The following FBN3 variants were observed in gnomAD, a reference collection of about 807,000 sequenced individuals.
FBN3 encodes the protein fibrillin-3.
A neutral mutation model predicts 330.1 loss-of-function variants in FBN3; 234 were observed. The observed-to-expected ratio is 0.71, with a 90% CI of 0.64 to 0.79. The LOEUF is 0.79. FBN3 is among the 30% of genes least tolerant of loss of function. FBN3 has a pLI of 0.00. For synonymous variants in FBN3, 1,458 were observed against 1,517.3 expected (o/e 0.96, Z 0.91); for missense variants, 3,606 against 3,886.9 (o/e 0.93, Z 1.92).
In FBN3 at chr19:8,138,137, T is replaced by C. The variant is rs551376715; in HGVS notation, c.1201+4A>G. The C allele has an allele frequency of 5.0e-6, 8 of 1,606,646 alleles. No individual in the cohort carries two copies. The African/African-American group carries it at 9.4e-5, about 19-fold the overall frequency. ...GAATGTTCCTCCCAAGCCCCAGGCC[T>C]CACCAATATTAGAGTTGCCAGGGCC... is the stretch of plus-strand genomic sequence containing the variant. On this transcript the variant is annotated splice_donor_region_variant and intron_variant, in intron 10 of 63. Transcript: ENST00000600128.
intron 25 of FBN3, among the ~76,000 whole-genome samples, chr19:8,120,613 C>T (rs188651975): frequency 1.8e-4 from 28 of 151,928 alleles, no homozygotes; most frequent in Non-Finnish European, 3.2e-4. Context: ...CTCAGCCTCC[C>T]GAGTAGCACG....
intron 8 of FBN3, among the ~76,000 whole-genome samples, chr19:8,140,725 G>C (rs1243308518): frequency 1.2e-4 from 19 of 152,150 alleles, no homozygotes; most frequent in Non-Finnish European, 2.6e-4. Flanking sequence ...TCTGTGAGCA[G>C]CTCTGGGTGG....
chr19:8,135,936 G>GGGGGGGGGGGGGGGGGCCC, intron 13 of FBN3, 25 bp downstream of exon 13: 22 of 668,744 alleles, frequency 3.3e-5, no homozygotes, highest in Non-Finnish European at 4.8e-5. Flanking sequence ...GGAAGCCCCT[G>GGGGGGGGGGGGGGGGGCCC]CCCACCCGCC....
Position 8,138,147 on chromosome 19 carries a change from T to G in FBN3, c.1195A>C (p.Asn399His), listed in dbSNP as rs1304652581. The G allele has an allele frequency of 6.2e-7, 1 of 1,609,772 alleles. No individual in the cohort carries two copies. Among genetic ancestry groups the G allele is most frequent in the Non-Finnish European group, 8.5e-7 (1 of 1,178,642 alleles). Residue 399 changes from asparagine (N) to histidine (H), a missense_variant, in exon 10 of 64, where the codon AAT becomes CAT. Physicochemically the swap from Asn to His is moderately conservative, Grantham distance 68. Coordinates refer to ENST00000600128, the MANE Select transcript of FBN3 (RefSeq NM_032447.5). ...GIPSLGPGNS[N>H]IGTATLNQTI... ...CCCAAGCCCCAGGCCTCACCAATAT[T>G]AGAGTTGCCAGGGCCCAGGCTGGGG...
chr19:8,100,204 G>A (rs2082297877), intron 41 of FBN3, among the ~76,000 whole-genome samples: 1 of 152,106 alleles, frequency 6.6e-6, no homozygotes, highest in African/African-American at 2.4e-5. Context: ...GACTGAGGGG[G>A]ATGGGGAGTG....
In FBN3 at chr19:8,129,086, G is replaced by A; in HGVS notation, c.2238C>T (p.Ser746=). The A allele has an allele frequency of 6.2e-7, 1 of 1,613,510 alleles. No individual in the cohort carries two copies. The highest frequency in any genetic ancestry group is 8.5e-7 in the Non-Finnish European group (1 of 1,179,992). The change falls in exon 18 of 64, where the codon AGC becomes AGT. Residue 746 remains serine, a synonymous_variant. Transcript: ENST00000600128. The surrounding 1 kb of genome is among the most constrained non-coding windows in gnomAD (Gnocchi z 4.5). ...DNGWCQNSPG[S]YSCSCPPGFH... The stretch of plus-strand genomic sequence containing the variant: ...AGCCGGGGGGGCAGGAGCAGCTGTA[G>A]CTGCCAGGGCTATTCTGGCACCACC...
chr19:8,131,555 G>C lies in FBN3; in HGVS notation c.1989C>G (p.Ser663=). 6.2e-7 allele frequency: 1 copy of C among 1,604,246 alleles called. No homozygotes were observed. Among genetic ancestry groups the C allele is most frequent in the Non-Finnish European group, 8.5e-7 (1 of 1,173,290 alleles). Residue 663 remains serine, a splice_region_variant and synonymous_variant, in exon 15 of 64, where the codon TCC becomes TCG. Transcript: ENST00000600128. The surrounding 1 kb of genome is among the most constrained non-coding windows in gnomAD (Gnocchi z 4.5). ...EPCQLCPAKD[S]AEFQALCSSG... ...GGGACCGGGCAGCCGGATGCTCACC[G>C]GAGTCTTTGGCAGGACAAAGCTGGC...
At chr19:8,091,438 T>G in intron 48 of FBN3, 27 bp downstream of exon 48, 3 of 1,334,812 alleles carry the variant, frequency 2.2e-6, no homozygotes, top group Non-Finnish European at 3.2e-6. Flanking sequence ...CTTCCCACCC[T>G]CTTCCCTAAG....
intron 41 of FBN3, 65 bp from the exon 42 acceptor site, chr19:8,097,479 A>C: frequency 6.6e-7 from 1 of 1,523,098 alleles, no homozygotes; most frequent in Non-Finnish European, 8.9e-7. Context: ...TGCTGAGCGA[A>C]GGGACCCACT....
At chr19:8,101,163 C>T (rs1289505717) in intron 40 of FBN3, among the ~76,000 whole-genome samples, 191 bp from the exon 41 acceptor site, 2 of 152,138 alleles carry the variant, frequency 1.3e-5, no homozygotes, top group Non-Finnish European at 2.9e-5. Context: ...CTCGTTCTGT[C>T]ACCCAGGCTG....
At chr19:8,099,855 C>A (rs890478039) in intron 41 of FBN3, among the ~76,000 whole-genome samples, 2 of 151,488 alleles carry the variant, frequency 1.3e-5, no homozygotes, top group African/African-American at 4.8e-5. Flanking sequence ...TATTAAAATA[C>A]AAAAATTAGC....
chr19:8,126,617 A>G lies in FBN3; in HGVS notation c.2417-12T>C, dbSNP rs1252207455. ...GCCCTTGGTGCTGTCTGGGGAGAAGAGGCGGGTCACCTGTCTCACCTGCCG... is the reference window on the plus strand; with the variant it reads ...GCCCTTGGTGCTGTCTGGGGAGAAGGGGCGGGTCACCTGTCTCACCTGCCG... On this transcript the variant is annotated splice_polypyrimidine_tract_variant and intron_variant, in intron 19 of 63. Coordinates refer to ENST00000600128, the MANE Select transcript of FBN3 (RefSeq NM_032447.5). The G allele has an allele frequency of 6.2e-7, 1 of 1,606,010 alleles. No individual in the cohort carries two copies. Among genetic ancestry groups the G allele is most frequent in the Non-Finnish European group, 8.5e-7 (1 of 1,178,834 alleles).
chr19:8,143,881 C>A (rs1369697481), intron 6 of FBN3, among the ~76,000 whole-genome samples: 1 of 150,966 alleles, frequency 6.6e-6, no homozygotes, highest in African/African-American at 2.4e-5. Context: ...GCAGTGGCAC[C>A]ACCACGGCTC....
chr19:8,135,934 C>CAGGGGGGGGGGGGGG, intron 13 of FBN3, 27 bp downstream of exon 13: 4 of 1,284,384 alleles, frequency 3.1e-6, no homozygotes, highest in Non-Finnish European at 3.2e-6. Flanking sequence ...CCGGAAGCCC[C>CAGGGGGGGGGGGGGG]TGCCCACCCG....
intron 58 of FBN3, 41 bp downstream of exon 58, chr19:8,081,317 C>T (rs1412419218): frequency 6.4e-7 from 1 of 1,570,754 alleles, no homozygotes; most frequent in Non-Finnish European, 8.6e-7. Context: ...CCCTAGACTG[C>T]ATGCAGTGGT....
At position 8,144,873 on chromosome 19, in the gene FBN3, G is replaced by A. The variant is rs1425474179; in HGVS notation, c.541+4C>T. On this transcript the variant is annotated splice_donor_region_variant and intron_variant, in intron 6 of 63. Transcript: ENST00000600128. ...TCTACCTCCCACCCGCGCATGCTTGGTACCTCTCTCACATTGAGGTCCCAT... is the reference window on the plus strand; with the variant it reads ...TCTACCTCCCACCCGCGCATGCTTGATACCTCTCTCACATTGAGGTCCCAT... 5.0e-6 allele frequency: 8 copies of A among 1,601,546 alleles called. No homozygotes were observed. The highest frequency in any genetic ancestry group is 3.5e-5 in the Admixed American group (2 of 57,682).
intron 59 of FBN3, among the ~76,000 whole-genome samples, chr19:8,079,012 C>A (rs2081711140): frequency 6.6e-6 from 1 of 152,036 alleles, no homozygotes; most frequent in Non-Finnish European, 1.5e-5. Context: ...AACTCCTGGC[C>A]CTAAGCCATC....
In FBN3 at chr19:8,087,850, C is replaced by T. The variant is rs775225398; in HGVS notation, c.6594G>A (p.Leu2198=). ...YLCTCPAGYT[L]REDGAMCRDV... ...CTCGACACATGGCCCCATCCTCCCG[C>T]AGGGTGTAGCCGGCTGGACAGGTGC... Residue 2198 remains leucine (L), a synonymous_variant, in exon 53 of 64, where the codon CTG becomes CTA. Coordinates refer to ENST00000600128, the MANE Select transcript of FBN3 (RefSeq NM_032447.5). The T allele has an allele frequency of 1.9e-6, 3 of 1,614,132 alleles. No individual in the cohort carries two copies. Among genetic ancestry groups the T allele is most frequent in the Non-Finnish European group, 2.5e-6 (3 of 1,179,998 alleles).
chr19:8,121,362 GGA>G lies in FBN3; in HGVS notation c.3105_3106del (p.Pro1036Ter). 6.2e-7 allele frequency: 1 copy of G among 1,610,756 alleles called. No homozygotes were observed. Among genetic ancestry groups the G allele is most frequent in the South Asian group, 1.1e-5 (1 of 90,714 alleles). ...ACAGGTGCCCTGGCCGCAGAGGTCA[GGA>G]GAGATGCGACACTCGTCGATATCTG... On this transcript the variant is annotated frameshift_variant, in exon 25 of 64. Coordinates refer to ENST00000600128, the MANE Select transcript of FBN3 (RefSeq NM_032447.5). LOFTEE classifies it high-confidence loss of function. The surrounding 1 kb of genome is among the most constrained non-coding windows in gnomAD (Gnocchi z 4.5).
Sources: allele counts gnomAD v4.1 joint callset (sites outside exome capture counted in the v4.1 genomes callset), GRCh38; gene constraint gnomAD v4.1.1; non-coding constraint Gnocchi (gnomAD v3.1); transcripts MANE v1.5; gene names NCBI Gene and HGNC (gene_info 2026-07-23, HGNC 2026-07-21).